The following BEGAIN variants were observed in gnomAD, a reference collection of about 807,000 sequenced individuals.
The protein encoded by BEGAIN is brain enriched guanylate kinase associated.
In BEGAIN, 19 loss-of-function variants were observed where a neutral mutation model predicts 35.8. The observed-to-expected ratio is 0.53, with a 90% CI of 0.37 to 0.78. The LOEUF (loss-of-function observed/expected upper bound fraction) is 0.78. Ranked by LOEUF, BEGAIN falls within the 30% of genes least tolerant of loss-of-function variation. BEGAIN has a pLI of 0.00. For missense variants in BEGAIN, 795 were observed against 853.6 expected (o/e 0.93, Z 0.85); for synonymous variants, 462 against 388.6 (o/e 1.19, Z -2.22).
intron 2 of BEGAIN, among the ~76,000 whole-genome samples, chr14:100,551,694 A>C (rs965332456): frequency 2.0e-5 from 3 of 152,166 alleles, no homozygotes; most frequent in Non-Finnish European, 4.4e-5. Flanking sequence ...CTAAAGATCA[A>C]ATTTTGGTAC....
intron 6 of BEGAIN, chr14:100,539,985 G>A (rs80122052): frequency 0.012 from 1,858 of 161,260 alleles, 29 homozygotes; most frequent in African/African-American, 0.042. Flanking sequence ...CGCAGGGTGC[G>A]GCGACCATAG....
chr14:100,538,055 G>C lies in BEGAIN; in HGVS notation c.1753C>G (p.Gln585Glu), dbSNP rs201599497. The C allele has an allele frequency of 1.9e-6, 3 of 1,604,914 alleles. No individual in the cohort carries two copies. In the East Asian group the frequency reaches 6.7e-5, roughly 36 times the overall value. Residue 585 changes from glutamine to glutamate, a missense_variant, in exon 7 of 7, where the codon CAG becomes GAG. Physicochemically the swap from Gln to Glu is conservative, Grantham distance 29 (BLOSUM62 2). Transcript: ENST00000554140. Reference protein sequence around the residue: ...MHPAARLSPQQAFPRTGGSGL... With the variant: ...MHPAARLSPQEAFPRTGGSGL... ...GAGCCACCAGTCCGCGGAAAGGCCTGCTGGGGGCTGAGGCGGGCGGCAGGA... is the reference window on the plus strand; with the variant it reads ...GAGCCACCAGTCCGCGGAAAGGCCTCCTGGGGGCTGAGGCGGGCGGCAGGA...
chr14:100,563,228 C>A lies in BEGAIN; in HGVS notation c.71+4683G>T, dbSNP rs1319417676. ...GAGTGTGGCCCGAACACCTGGGTGT[C>A]CTTGTGCAAAACCAAAACCAGAACC... On this transcript the variant is annotated intron_variant, in intron 2 of 6. Transcript: ENST00000554140. The surrounding 1 kb of genome is among the most constrained non-coding windows in gnomAD (Gnocchi z 4.2). 1.3e-5 allele frequency among the ~76,000 whole-genome samples: 2 copies of A among 152,170 alleles called. No homozygotes were observed. The highest frequency in any genetic ancestry group is 2.9e-5 in the Non-Finnish European group (2 of 68,028).
Position 100,546,644 on chromosome 14 carries a change from C to T in BEGAIN, c.90G>A (p.Lys30=). 1.9e-6 allele frequency: 3 copies of T among 1,572,598 alleles called. No homozygotes were observed. The highest frequency in any genetic ancestry group is 1.7e-4 in the Middle Eastern group (1 of 5,958). Residue 30 remains lysine (K), a synonymous_variant, in exon 3 of 7, where the codon AAG becomes AAA. Transcript: ENST00000554140. Reference sequence around the variant, plus strand: ...AGGACAGCCGCTTGCGCAGCTCGCCCTTCTGCTCCTGCAGCGCGCTGCAAC... The same window carrying T: ...AGGACAGCCGCTTGCGCAGCTCGCCTTTCTGCTCCTGCAGCGCGCTGCAAC... The part of the protein sequence containing the change: ...MEKLSALQEQ[K]GELRKRLSYT...
chr14:100,574,170 G>A (rs143394945), intron 1 of BEGAIN, among the ~76,000 whole-genome samples: 2 of 152,336 alleles, frequency 1.3e-5, no homozygotes, highest in Non-Finnish European at 2.9e-5. Flanking sequence ...AATGAGCCGC[G>A]GGCTTTCCTG....
chr14:100,568,209 G>T lies in BEGAIN; in HGVS notation c.43-270C>A. On this transcript the variant is annotated intron_variant, in intron 1 of 6. Coordinates refer to ENST00000554140, the MANE Select transcript of BEGAIN (RefSeq NM_001385089.1). This position sits in a 1 kb window ranked among gnomAD's most constrained non-coding sequence, Gnocchi z 7.5. ...CGCCCCCCGGGGCGAAGAAGGGGCC[G>T]GCCCGGGATGGCCCGGCCAGGGGCG... 1.6e-6 allele frequency: 1 copy of T among 618,720 alleles called. No individual in the cohort carries two copies. The highest frequency in any genetic ancestry group is 2.1e-6 in the Non-Finnish European group (1 of 484,608). 38.3% of individuals were successfully genotyped at this position (618,720 alleles called of 1,614,324 possible).
chr14:100,561,377 C>G (rs1392344939), intron 2 of BEGAIN, among the ~76,000 whole-genome samples: 2 of 152,218 alleles, frequency 1.3e-5, no homozygotes, highest in Non-Finnish European at 2.9e-5. Context: ...TGCACTGAGT[C>G]TCCTGAGCCG....
chr14:100,541,731 A>G (rs1262654092), intron 5 of BEGAIN, among the ~76,000 whole-genome samples: 1 of 152,200 alleles, frequency 6.6e-6, no homozygotes, highest in Non-Finnish European at 1.5e-5. Context: ...AGCCGGTGCC[A>G]TGCCCATAGC....
At chr14:100,541,490 C>G (rs888031070) in intron 5 of BEGAIN, among the ~76,000 whole-genome samples, 2 of 152,260 alleles carry the variant, frequency 1.3e-5, no homozygotes, top group African/African-American at 4.8e-5. Context: ...GCTGGTGCCC[C>G]CAACTTGGCC....
chr14:100,567,914 A>G lies in BEGAIN; in HGVS notation c.68T>C (p.Leu23Pro), dbSNP rs2034848434. 2.0e-6 allele frequency: 3 copies of G among 1,465,930 alleles called. No individual in the cohort carries two copies. Among genetic ancestry groups the G allele is most frequent in the Non-Finnish European group, 2.7e-6 (3 of 1,099,904 alleles). The allele number at this position is 1,465,930 out of a possible 1,614,324, so 90.8% of individuals were successfully genotyped here. ...GCACGGGAGACGCTCCACTCACCTG[A>G]GTTTCTCCATGTCTGCGGCAGAGGC... ...RAASAADMEK[L>P]SALQEQKGEL... The change falls in exon 2 of 7, where the codon CTC becomes CCC. Residue 23 changes from leucine to proline, a missense_variant. By Grantham distance (98) the Leu-to-Pro change is moderately conservative. Coordinates refer to ENST00000554140, the MANE Select transcript of BEGAIN (RefSeq NM_001385089.1). This position sits in a 1 kb window ranked among gnomAD's most constrained non-coding sequence, Gnocchi z 5.1.
In BEGAIN at chr14:100,568,172, C is replaced by A; in HGVS notation, c.43-233G>T. On this transcript the variant is annotated intron_variant, in intron 1 of 6. Transcript: ENST00000554140. This position sits in a 1 kb window ranked among gnomAD's most constrained non-coding sequence, Gnocchi z 7.5. ...AGCCCGCCCGGGCCGCCGCGCTCCC[C>A]GCACCGAGTTACGCCCCCCGGGGCG... 1 of 884,716 alleles carries A rather than the reference C, an allele frequency of 1.1e-6. No homozygotes were observed. The highest frequency in any genetic ancestry group is 1.4e-6 in the Non-Finnish European group (1 of 733,640). The allele number at this position is 884,716 out of a possible 1,614,324, so 54.8% of individuals were successfully genotyped here.
Position 100,538,134 on chromosome 14 carries a change from C to T in BEGAIN, c.1674G>A (p.Gln558=). 1 of 1,543,546 alleles carries T rather than the reference C, an allele frequency of 6.5e-7. No homozygotes were observed. The highest frequency in any genetic ancestry group is 8.7e-7 in the Non-Finnish European group (1 of 1,148,048). The change falls in exon 7 of 7, where the codon CAG becomes CAA. Residue 558 remains glutamine (Q), a synonymous_variant. Transcript: ENST00000554140. ...CGTASSPEPE[Q]GSRDSLEPSS... ...TCGGCTCCAAGGAGTCCCTGGAACCCTGCTCGGGCTCAGGGCTGCTGGCGG... is the reference window on the plus strand; with the variant it reads ...TCGGCTCCAAGGAGTCCCTGGAACCTTGCTCGGGCTCAGGGCTGCTGGCGG...
chr14:100,540,980 G>C (rs991737833), intron 5 of BEGAIN, among the ~76,000 whole-genome samples: 1 of 152,234 alleles, frequency 6.6e-6, no homozygotes, highest in African/African-American at 2.4e-5. Flanking sequence ...AGATGACGGG[G>C]TGGGAGTGCC....
chr14:100,554,559 C>T (rs2033516978), intron 2 of BEGAIN, among the ~76,000 whole-genome samples: 1 of 152,106 alleles, frequency 6.6e-6, no homozygotes, highest in Non-Finnish European at 1.5e-5. Flanking sequence ...GTTAACTCCT[C>T]TCCACGTAGC....
At chr14:100,539,441 C>G in intron 6 of BEGAIN, 126 bp from the exon 7 acceptor site, 1 of 1,423,992 alleles carries the variant, frequency 7.0e-7, no homozygotes, top group Non-Finnish European at 9.2e-7. Flanking sequence ...GAACGGGGGC[C>G]TCCCGGCTTC....
At chr14:100,546,940 T>G in intron 2 of BEGAIN, 1 of 312,582 alleles carries the variant, frequency 3.2e-6, no homozygotes, top group East Asian at 4.9e-5. Context: ...CACAGGTAAA[T>G]CCCAGGTGGT....
intron 1 of BEGAIN, among the ~76,000 whole-genome samples, chr14:100,571,052 G>C (rs1253541659): frequency 2.0e-5 from 3 of 152,164 alleles, no homozygotes; most frequent in Non-Finnish European, 4.4e-5. Context: ...GGACCCCAGG[G>C]TGCACACTGG....
intron 1 of BEGAIN, among the ~76,000 whole-genome samples, chr14:100,583,258 A>G (rs2035360353): frequency 6.6e-6 from 1 of 151,190 alleles, no homozygotes; most frequent in Non-Finnish European, 1.5e-5. Flanking sequence ...GCCTCTATCC[A>G]CACATCCGTC....
chr14:100,544,730 C>T (rs1021168774), intron 4 of BEGAIN, among the ~76,000 whole-genome samples: 2 of 152,160 alleles, frequency 1.3e-5, no homozygotes, highest in Non-Finnish European at 2.9e-5. Context: ...GGGGCCCGTT[C>T]CCAGTGTATG....
Sources: gnomAD v4.1 joint callset for allele counts (sites outside exome capture counted in the v4.1 genomes callset) on GRCh38, gnomAD v4.1.1 for gene constraint, Gnocchi (gnomAD v3.1) non-coding constraint, MANE v1.5 for transcripts, NCBI Gene and HGNC (gene_info 2026-07-23, HGNC 2026-07-21) for gene names.